APOB: variants seen among roughly 807,000 people sequenced by gnomAD.
The protein encoded by APOB is apolipoprotein B, also known as apolipoprotein B-100.
In APOB, 153 loss-of-function variants were observed where a neutral mutation model predicts 314.1. The observed-to-expected ratio is 0.49, with a 90% CI of 0.43 to 0.56. APOB has a LOEUF of 0.56. APOB is among the 20% of genes least tolerant of loss of function. APOB has a pLI of 0.00. For missense variants in APOB, 5,430 were observed against 5,350.7 expected (o/e 1.01, Z -0.46); for synonymous variants, 2,087 against 2,036.4 (o/e 1.02, Z -0.67).
chr2:21,032,862 C>T (rs1663914303), intron 9 of APOB, among the ~76,000 whole-genome samples: 1 of 152,294 alleles, frequency 6.6e-6, no homozygotes, highest in Admixed American at 6.5e-5. Context: ...ATATGCCTGG[C>T]CAACATTAGC....
chr2:21,042,250 T>C, intron 3 of APOB, 111 bp downstream of exon 3: 1 of 812,600 alleles, frequency 1.2e-6, no homozygotes, highest in Non-Finnish European at 2.2e-6. Context: ...TGGGATGTTC[T>C]GCGTTTGCTC....
intron 25 of APOB, among the ~76,000 whole-genome samples, 180 bp from the exon 26 acceptor site, chr2:21,012,831 G>T (rs1314884313): frequency 6.6e-6 from 1 of 152,178 alleles, no homozygotes; most frequent in East Asian, 1.9e-4. Flanking sequence ...AGGAAGCCTT[G>T]CCTGACCACC....
Position 21,019,030 on chromosome 2 carries a change from G to C in APOB, c.3083C>G (p.Ala1028Gly). The change falls in exon 20 of 29, where the codon GCC becomes GGC. Residue 1028 changes from alanine (A) to glycine (G), a missense_variant. By Grantham distance (60) the Ala-to-Gly change is moderately conservative. Around this residue, in one of 3 missense-constraint regions of APOB, gnomAD observed 2,085 missense variants for 2,079.7 expected, o/e 1.00. Transcript: ENST00000233242. ...ATYELQREDR[A>G]LVDTLKFVTQ... ...TACAAACTTCAGGGTATCCACCAAG[G>C]CTCTGTCCTCTCTCTGGAGCTCATA... 6.2e-7 allele frequency: 1 copy of C among 1,613,958 alleles called. No homozygotes were observed. The highest frequency in any genetic ancestry group is 8.5e-7 in the Non-Finnish European group (1 of 1,180,004).
In APOB at chr2:21,006,309, T is replaced by C. The variant is rs1663135834; in HGVS notation, c.10559A>G (p.Tyr3520Cys). Residue 3520 changes from tyrosine (Y) to cysteine (C), a missense_variant, in exon 26 of 29, where the codon TAC becomes TGC. Around this residue, in one of 3 missense-constraint regions of APOB, gnomAD observed 3,281 missense variants for 3,171.0 expected, o/e 1.03. Coordinates refer to ENST00000233242, the MANE Select transcript of APOB (RefSeq NM_000384.3). ...AGACCGTGTGCTCTTGGAATTCAAG[T>C]AAGTGTTGGCCTCACTAGCAATAGT... ...SGTIASEANT[Y>C]LNSKSTRSSV... The C allele has an allele frequency of 6.2e-7, 1 of 1,613,968 alleles. No individual in the cohort carries two copies. Among genetic ancestry groups the C allele is most frequent in the African/African-American group, 1.3e-5 (1 of 74,912 alleles).
chr2:21,032,027 G>T (rs1375116628), intron 10 of APOB, among the ~76,000 whole-genome samples: 1 of 152,170 alleles, frequency 6.6e-6, no homozygotes, highest in African/African-American at 2.4e-5. Context: ...ATTAATGGAT[G>T]GATGTATATG....
At chr2:21,034,208 T>G (rs1301628812) in intron 8 of APOB, among the ~76,000 whole-genome samples, 1 of 152,172 alleles carries the variant, frequency 6.6e-6, no homozygotes, top group Non-Finnish European at 1.5e-5. Context: ...TGGCACTTAT[T>G]TTCCCCCCTC....
intron 15 of APOB, among the ~76,000 whole-genome samples, chr2:21,026,372 C>T (rs796823243): frequency 2.6e-5 from 4 of 151,990 alleles, no homozygotes; most frequent in South Asian, 4.2e-4. Flanking sequence ...CTCAGCCTCC[C>T]GAGTAGCTAG....
In APOB at chr2:21,008,652, G is replaced by A. The variant is rs676210; in HGVS notation, c.8216C>T (p.Pro2739Leu). Residue 2739 changes from proline (P) to leucine (L), a missense_variant, in exon 26 of 29, where the codon CCA becomes CTA. Coordinates refer to ENST00000233242, the MANE Select transcript of APOB (RefSeq NM_000384.3). ...TGAGATGTGGGGAAGCTGGAATTCT[G>A]GTATGTGAAGGTCAGGAACTTGAAA... ...NDFQVPDLHI[P>L]EFQLPHISHT... 0.24 allele frequency: 390,663 copies of A among 1,613,762 alleles called. 57,804 individuals carry two copies. The highest frequency in any genetic ancestry group is 0.73 in the East Asian group (32,807 of 44,854).
At position 21,005,192 on chromosome 2, in the gene APOB, G is replaced by C. The variant is rs762760699; in HGVS notation, c.11676C>G (p.Pro3892=). The change falls in exon 26 of 29, where the codon CCC becomes CCG. Residue 3892 remains proline (P), a synonymous_variant. Transcript: ENST00000233242. ...ALTARFEVDS[P]VYNATWSASL... ...TGGCACTCCAAGTGGCATTATACAC[G>C]GGAGAGTCTACCTCAAAGCGTGCAG... 4 of 1,613,966 alleles carry C rather than the reference G, an allele frequency of 2.5e-6. No homozygotes were observed. The highest frequency in any genetic ancestry group is 3.4e-6 in the Non-Finnish European group (4 of 1,179,930).
At chr2:21,028,276 A>G in intron 13 of APOB, 51 bp downstream of exon 13, 1 of 1,508,034 alleles carries the variant, frequency 6.6e-7, no homozygotes. Flanking sequence ...TAGGGTTGGA[A>G]TTCCAGCTCA....
chr2:21,027,907 G>T lies in APOB; in HGVS notation c.1988C>A (p.Pro663Gln). 6.2e-7 allele frequency: 1 copy of T among 1,614,082 alleles called. No individual in the cohort carries two copies. Among genetic ancestry groups the T allele is most frequent in the East Asian group, 2.2e-5 (1 of 44,878 alleles). Residue 663 changes from proline to glutamine, a missense_variant, in exon 14 of 29, where the codon CCA (proline) becomes CAA (glutamine). Physicochemically the swap from Pro to Gln is moderately conservative, Grantham distance 76. This residue lies in a region of APOB where 2,085 missense variants were observed against 2,079.7 expected (regional missense o/e 1.00). Coordinates refer to ENST00000233242, the MANE Select transcript of APOB (RefSeq NM_000384.3). ...AKIEGNLIFD[P>Q]NNYLPKESML... ...GCTTTCTTTAGGAAGGTAGTTATTT[G>T]GATCAAATATAAGATTCCCTTCTAT...
rs1800480 is a variant in APOB, at chr2:21,044,060, G to C, written c.-115C>G. On this transcript the variant is annotated 5_prime_UTR_variant, in exon 1 of 29. Coordinates refer to ENST00000233242, the MANE Select transcript of APOB (RefSeq NM_000384.3). ...CCGAGAAGGGCACTCAGCCCCGCAG[G>C]TCCCGGTGGGAATGCGCGGCCGGCG... 5,402 of 425,854 alleles carry C rather than the reference G, an allele frequency of 0.013. 62 individuals are homozygous for C. Among genetic ancestry groups the C allele is most frequent in the African/African-American group, 0.037 (1,753 of 47,732 alleles). 26.4% of individuals were successfully genotyped at this position (425,854 alleles called of 1,614,324 possible).
In APOB at chr2:21,038,005, G is replaced by A. The variant is rs754899891; in HGVS notation, c.490C>T (p.Leu164Phe). ...TCTTCTGTCTCTGGGGGAACCAGGA[G>A]GGCAGAAATGATGCCCCTCTTGATG... ...LNIKRGIISA[L>F]LVPPETEEAK... is the part of the protein sequence containing the mutation. The change falls in exon 5 of 29, where the codon CTC (leucine) becomes TTC (phenylalanine). Residue 164 changes from leucine to phenylalanine, a missense_variant. Around this residue, in one of 3 missense-constraint regions of APOB, gnomAD observed 2,085 missense variants for 2,079.7 expected, o/e 1.00. Transcript: ENST00000233242. 3 of 1,614,188 alleles carry A rather than the reference G, an allele frequency of 1.9e-6. No individual in the cohort carries two copies. The South Asian group carries it at 3.3e-5, about 18-fold the overall frequency.
At position 21,043,903 on chromosome 2, in the gene APOB, G is replaced by A. The variant is rs1664201261; in HGVS notation, c.43C>T (p.Pro15Ser). Residue 15 changes from proline to serine, a missense_variant, in exon 1 of 29, where the codon CCT becomes TCT. Pro to Ser is a moderately conservative substitution (Grantham distance 74, BLOSUM62 -1). Around this residue, in one of 3 missense-constraint regions of APOB, gnomAD observed 2,085 missense variants for 2,079.7 expected, o/e 1.00. Coordinates refer to ENST00000233242, the MANE Select transcript of APOB (RefSeq NM_000384.3). The part of the protein sequence containing the change: ...RPALLALLAL[P>S]ALLLLLLAGA... ...GCCAGCAGCAGCAGCAGCAGCGCAG[G>A]CAGCGCCAGCAGCGCCAGCAGCGCG... The A allele has an allele frequency of 5.9e-6, 4 of 680,686 alleles. No individual in the cohort carries two copies. The highest frequency in any genetic ancestry group is 4.9e-5 in the East Asian group (1 of 20,446). 42.2% of individuals were successfully genotyped at this position (680,686 alleles called of 1,614,324 possible). A position where few individuals can be genotyped will look rare whatever the true frequency, so the allele number is the denominator to read the frequency against.
At chr2:21,030,772 C>T (rs1663858083) in intron 10 of APOB, among the ~76,000 whole-genome samples, 1 of 151,806 alleles carries the variant, frequency 6.6e-6, no homozygotes, top group Non-Finnish European at 1.5e-5. Flanking sequence ...CAAATAATCC[C>T]ATTAAAAAGT....
At position 21,007,936 on chromosome 2, in the gene APOB, A is replaced by T; in HGVS notation, c.8932T>A (p.Ser2978Thr). The T allele has an allele frequency of 6.2e-7, 1 of 1,614,078 alleles. No homozygotes were observed. Among genetic ancestry groups the T allele is most frequent in the Non-Finnish European group, 8.5e-7 (1 of 1,179,946 alleles). ...AGTTTAGAAAAGTTGAGGGAGCCAG[A>T]TTCATAAACCAAGTTTTGGTTTACT... Reference protein sequence around the residue: ...LRVNQNLVYESGSLNFSKLEI... With the variant: ...LRVNQNLVYETGSLNFSKLEI... Residue 2978 changes from serine to threonine, a missense_variant, in exon 26 of 29, where the codon TCT (serine) becomes ACT (threonine). Physicochemically the swap from Ser to Thr is moderately conservative, Grantham distance 58. Coordinates refer to ENST00000233242, the MANE Select transcript of APOB (RefSeq NM_000384.3).
intron 18 of APOB, among the ~76,000 whole-genome samples, chr2:21,021,058 C>T (rs1330481814): frequency 2.0e-5 from 3 of 152,236 alleles, no homozygotes; most frequent in African/African-American, 7.2e-5. Context: ...GGAGCCCAAG[C>T]CTCTTTACTG....
rs1309519399 is a variant in APOB, at chr2:21,009,173, T to C, written c.7695A>G (p.Ala2565=). Residue 2565 remains alanine, a synonymous_variant, in exon 26 of 29, where the codon GCA becomes GCG. Transcript: ENST00000233242. ...CCCAATCTTGGATAGAATATTGCTC[T>C]GCAAAGTCAGTAAGGTTCTTAGCAG... The part of the protein sequence containing the change: ...TLAAKNLTDF[A]EQYSIQDWAK... The C allele has an allele frequency of 6.2e-7, 1 of 1,614,136 alleles. No homozygotes were observed. The highest frequency in any genetic ancestry group is 8.5e-7 in the Non-Finnish European group (1 of 1,179,970).
Position 21,005,283 on chromosome 2 carries a change from A to T in APOB, c.11585T>A (p.Ile3862Asn), listed in dbSNP as rs772015796. The T allele has an allele frequency of 6.2e-7, 1 of 1,614,124 alleles. No individual in the cohort carries two copies. Among genetic ancestry groups the T allele is most frequent in the African/African-American group, 1.3e-5 (1 of 75,038 alleles). The stretch of plus-strand genomic sequence containing the variant: ...AGAGAACTTAATGGAGGGAATCTCA[A>T]TGGTCTGCTCAGGCACGATGATGGT... Reference protein sequence around the residue: ...LPTIIVPEQTIEIPSIKFSVP... With the variant: ...LPTIIVPEQTNEIPSIKFSVP... The change falls in exon 26 of 29, where the codon ATT becomes AAT. Residue 3862 changes from isoleucine to asparagine, a missense_variant. Around this residue, in one of 3 missense-constraint regions of APOB, gnomAD observed 3,281 missense variants for 3,171.0 expected, o/e 1.03. Coordinates refer to ENST00000233242, the MANE Select transcript of APOB (RefSeq NM_000384.3).
Sources: allele counts gnomAD v4.1 joint callset (sites outside exome capture counted in the v4.1 genomes callset), GRCh38; gene constraint gnomAD v4.1.1; regional missense constraint gnomAD v4.1.1; transcripts MANE v1.5; gene names NCBI Gene and HGNC (gene_info 2026-07-23, HGNC 2026-07-21).